FRMPD2: variants seen among roughly 807,000 people sequenced by gnomAD.
The protein encoded by FRMPD2 is FERM and PDZ domain containing 2, also known as FERM and PDZ domain-containing protein 2.
Under a neutral mutation model 140.1 loss-of-function variants are expected in FRMPD2, and 96 were observed. The observed-to-expected ratio is 0.69, with a 90% CI of 0.58 to 0.81. FRMPD2 has a LOEUF of 0.81. Among genes scored for constraint, FRMPD2 ranks in the 40% least tolerant of loss-of-function variants. The probability of loss-of-function intolerance (pLI) is 0.00; values close to 1 mark genes in which losing one functional copy is unlikely to be tolerated. For synonymous variants in FRMPD2, 449 were observed against 547.6 expected, an observed-to-expected ratio of 0.82 and a Z score of 2.52; for missense variants, 1,240 against 1,447.4, an observed-to-expected ratio of 0.86 and a Z score of 2.32.
At chr10:48,233,270 G>A (rs1348480949) in intron 9 of FRMPD2, among the ~76,000 whole-genome samples, 1 of 152,184 alleles carries the variant, frequency 6.6e-6, no homozygotes, top group Admixed American at 6.5e-5. Context: ...GTGGGAGGGG[G>A]TTTCACACAT....
At chr10:48,195,633 C>A (rs1383649343) in intron 15 of FRMPD2, among the ~76,000 whole-genome samples, 2 of 152,108 alleles carry the variant, frequency 1.3e-5, no homozygotes, top group East Asian at 3.8e-4. Context: ...CTTCTGAGAT[C>A]TAGCTAAAAG....
intron 10 of FRMPD2, among the ~76,000 whole-genome samples, chr10:48,225,276 G>A (rs1436368195): frequency 6.6e-6 from 1 of 152,056 alleles, no homozygotes. Context: ...ATAAAGTGCA[G>A]CCAAAAGGCC....
intron 13 of FRMPD2, 54 bp from the exon 14 acceptor site, chr10:48,206,987 G>T: frequency 6.5e-7 from 1 of 1,534,092 alleles, no homozygotes; most frequent in East Asian, 2.3e-5. Flanking sequence ...TTAAAATAAT[G>T]GGCCTCACGC....
In FRMPD2 at chr10:48,232,272, G is replaced by A. The variant is rs138922688; in HGVS notation, c.1011C>T (p.Ser337=). 1.9e-6 allele frequency: 3 copies of A among 1,610,580 alleles called. No individual in the cohort carries two copies. The highest frequency in any genetic ancestry group is 2.2e-5 in the East Asian group (1 of 44,798). Residue 337 remains serine (S), a synonymous_variant, in exon 10 of 29, where the codon TCC becomes TCT. Transcript: ENST00000374201. ...CACAGAGGTCCCTGAGAGCCAAATA[G>A]GATTTCCCTTTTTTGGTCTGAAAAC... ...PGSVVTKKGK[S]YLALRDLCVV...
intron 13 of FRMPD2, among the ~76,000 whole-genome samples, chr10:48,209,040 T>A (rs957482729): frequency 6.6e-6 from 1 of 152,222 alleles, no homozygotes; most frequent in Non-Finnish European, 1.5e-5. Flanking sequence ...CATAATGCTG[T>A]TCAGTACAGA....
chr10:48,251,742 G>T lies in FRMPD2; in HGVS notation c.26-51C>A, dbSNP rs755371234. On this transcript the variant is annotated intron_variant, in intron 1 of 28. Coordinates refer to ENST00000374201, the MANE Select transcript of FRMPD2 (RefSeq NM_001018071.4). ...GGGCCTCTGCAATGTCCAGGAACAT[G>T]TCCGGGCCCGTACTCGCCACTCTGG... is the stretch of plus-strand genomic sequence containing the variant. 7.5e-6 allele frequency: 12 copies of T among 1,604,782 alleles called. No individual in the cohort carries two copies. The South Asian group carries it at 1.3e-4, about 18-fold the overall frequency.
intron 1 of FRMPD2, among the ~76,000 whole-genome samples, chr10:48,274,178 G>A (rs1343087237): frequency 1.3e-5 from 2 of 152,154 alleles, no homozygotes; most frequent in African/African-American, 4.8e-5. Context: ...ACATCGTAAC[G>A]CATGGGGCAT....
chr10:48,192,899 A>T lies in FRMPD2; in HGVS notation c.1955-5T>A, dbSNP rs1165233669. 4 of 1,609,524 alleles carry T rather than the reference A, an allele frequency of 2.5e-6. No homozygotes were observed. Among genetic ancestry groups the T allele is most frequent in the East Asian group, 4.5e-5 (2 of 44,862 alleles). On this transcript the variant is annotated splice_polypyrimidine_tract_variant and splice_region_variant and intron_variant, in intron 15 of 28. Coordinates refer to ENST00000374201, the MANE Select transcript of FRMPD2 (RefSeq NM_001018071.4). The stretch of plus-strand genomic sequence containing the variant: ...TTTGCACAAACTTATCATGGTCTGA[A>T]TTTGGGGAGAAAAACATAGACATAC...
intron 17 of FRMPD2, 102 bp from the exon 18 acceptor site, chr10:48,185,747 C>T (rs1838669122): frequency 9.9e-6 from 8 of 812,134 alleles, no homozygotes; most frequent in Non-Finnish European, 1.5e-5. Flanking sequence ...CGCGCACACA[C>T]ATTCACACGC....
chr10:48,215,053 A>G (rs983013076), intron 12 of FRMPD2, among the ~76,000 whole-genome samples: 11 of 152,234 alleles, frequency 7.2e-5, no homozygotes, highest in Admixed American at 3.9e-4. Flanking sequence ...ATTTATTTTT[A>G]TACTAAATTG....
At chr10:48,264,170 A>G (rs548170751) in intron 1 of FRMPD2, among the ~76,000 whole-genome samples, 1 of 152,170 alleles carries the variant, frequency 6.6e-6, no homozygotes, top group East Asian at 1.9e-4. Context: ...GTAAAAAAAA[A>G]AATCTACGGC....
chr10:48,164,048 G>C (rs1169285112), intron 27 of FRMPD2, among the ~76,000 whole-genome samples: 3 of 150,716 alleles, frequency 2.0e-5, no homozygotes, highest in African/African-American at 4.9e-5. Flanking sequence ...TTGTCTCCCT[G>C]TCTCCACCCC....
At chr10:48,243,640 C>T (rs1436726474) in intron 4 of FRMPD2, among the ~76,000 whole-genome samples, 2 of 152,184 alleles carry the variant, frequency 1.3e-5, no homozygotes, top group Non-Finnish European at 2.9e-5. Flanking sequence ...CTATCCTAGG[C>T]TCCAGGTGTG....
At chr10:48,250,728 C>T (rs1158385997) in intron 2 of FRMPD2, among the ~76,000 whole-genome samples, 3 of 151,432 alleles carry the variant, frequency 2.0e-5, no homozygotes, top group Non-Finnish European at 2.9e-5. Flanking sequence ...CTTACAGTTG[C>T]TCTTCAAACA....
Position 48,239,619 on chromosome 10 carries a change from G to C in FRMPD2, c.774C>G (p.Ser258Arg), listed in dbSNP as rs146588556. The C allele has an allele frequency of 3.1e-6, 5 of 1,613,826 alleles. No homozygotes were observed. The African/African-American group carries it at 5.3e-5, about 17-fold the overall frequency. ...TTGCTGCTTACCGGTTAACAAGGAGGCTGCAGTGACTGTGTGTCAAGGTGC... is the reference window on the plus strand; with the variant it reads ...TTGCTGCTTACCGGTTAACAAGGAGCCTGCAGTGACTGTGTGTCAAGGTGC... ...HWSTLTHSHC[S>R]LLVNRALPGA... The change falls in exon 7 of 29, where the codon AGC becomes AGG. Residue 258 changes from serine (S) to arginine (R), a missense_variant. Transcript: ENST00000374201.
At chr10:48,246,857 T>A (rs1840262788) in intron 3 of FRMPD2, among the ~76,000 whole-genome samples, 1 of 152,212 alleles carries the variant, frequency 6.6e-6, no homozygotes, top group Admixed American at 6.5e-5. Context: ...TGAACAGAAC[T>A]GAGTGTTAGA....
chr10:48,225,887 G>A lies in FRMPD2; in HGVS notation c.1169-2617C>T, dbSNP rs1434962595. Among the ~76,000 whole-genome samples, 3 of 152,206 alleles carry A rather than the reference G, an allele frequency of 2.0e-5. No homozygotes were observed. The East Asian group carries it at 5.8e-4, about 29-fold the overall frequency. The stretch of plus-strand genomic sequence containing the variant: ...ATTTTGGCTTGCTTTGACTTGATTC[G>A]AGATCTGGTTTTATAGGTCTGAAGG... On this transcript the variant is annotated intron_variant, in intron 10 of 28. Transcript: ENST00000374201.
Position 48,201,394 on chromosome 10 carries a change from GC to G in FRMPD2, c.1798-11del. ...TGGTGAACTTTTTTTGCTGAAGGAA[GC>G]AAACACAGACTTTAATACACTGATC... On this transcript the variant is annotated splice_polypyrimidine_tract_variant and intron_variant, in intron 14 of 28. Transcript: ENST00000374201. The G allele has an allele frequency of 1.2e-6, 2 of 1,612,660 alleles. No homozygotes were observed. Among genetic ancestry groups the G allele is most frequent in the Non-Finnish European group, 1.7e-6 (2 of 1,179,190 alleles).
upstream of FRMPD2, chr10:48,274,697 G>C: frequency 1.2e-6 from 1 of 815,300 alleles, no homozygotes; most frequent in Non-Finnish European, 2.1e-6. Flanking sequence ...TTTGTTTACT[G>C]CTTGTCACTA....
Sources: allele counts gnomAD v4.1 joint callset (sites outside exome capture counted in the v4.1 genomes callset), GRCh38; gene constraint gnomAD v4.1.1; transcripts MANE v1.5; gene names NCBI Gene and HGNC (gene_info 2026-07-23, HGNC 2026-07-21).